SMAP2: variants seen among roughly 807,000 people sequenced by gnomAD.
SMAP2 encodes the protein small ArfGAP2.
SMAP2 carries 25 observed loss-of-function variants against 56.4 expected under a neutral mutation model. That is an observed-to-expected ratio of 0.44 (90% CI 0.32 to 0.62). The LOEUF is 0.62. Ranked by LOEUF, SMAP2 falls within the 20% of genes least tolerant of loss-of-function variation. The pLI is 0.04. For missense variants in SMAP2, 388 were observed against 545.6 expected (o/e 0.71, Z 2.88); for synonymous variants, 157 against 181.7 (o/e 0.86, Z 1.09).
intron 1 of SMAP2, among the ~76,000 whole-genome samples, chr1:40,403,111 A>C (rs1262673497): frequency 2.0e-5 from 3 of 152,258 alleles, no homozygotes; most frequent in Non-Finnish European, 4.4e-5. Flanking sequence ...CATGTTGCCT[A>C]GAAGACTTTG....
intron 1 of SMAP2, among the ~76,000 whole-genome samples, chr1:40,357,114 G>T (rs1364862283): frequency 1.3e-5 from 2 of 150,854 alleles, no homozygotes; most frequent in Non-Finnish European, 3.0e-5. Context: ...CATTCTGTGG[G>T]TTGTCTCTTC....
chr1:40,409,254 G>T (rs992381936), intron 3 of SMAP2, among the ~76,000 whole-genome samples: 1 of 152,098 alleles, frequency 6.6e-6, no homozygotes, highest in Non-Finnish European at 1.5e-5. Context: ...TTCTCAAAAT[G>T]TAGTTTGTAG....
At chr1:40,417,837 A>G (rs777492277) in intron 9 of SMAP2, among the ~76,000 whole-genome samples, 6 of 152,158 alleles carry the variant, frequency 3.9e-5, no homozygotes, top group Admixed American at 2.0e-4. Context: ...CCCTCTTCCA[A>G]AATAACCACT....
chr1:40,348,765 A>ATGTC (rs1553187476), intron 1 of SMAP2, among the ~76,000 whole-genome samples: 1 of 150,296 alleles, frequency 6.7e-6, no homozygotes, highest in Non-Finnish European at 1.5e-5. Context: ...ATAAAATACT[A>ATGTC]TTTCTTTCTT....
intron 1 of SMAP2, among the ~76,000 whole-genome samples, chr1:40,353,822 C>G (rs1302954043): frequency 1.3e-5 from 2 of 151,274 alleles, no homozygotes; most frequent in Non-Finnish European, 2.9e-5. Flanking sequence ...AACATCTGAC[C>G]TCAAGCAATC....
intron 2 of SMAP2, among the ~76,000 whole-genome samples, chr1:40,363,522 T>C (rs1486971680): frequency 1.3e-5 from 2 of 151,982 alleles, no homozygotes; most frequent in African/African-American, 4.8e-5. Flanking sequence ...AAATCTAATA[T>C]CTAGGAAGGC....
At chr1:40,391,718 A>G (rs1302272236) in intron 1 of SMAP2, among the ~76,000 whole-genome samples, 1 of 152,174 alleles carries the variant, frequency 6.6e-6, no homozygotes, top group Non-Finnish European at 1.5e-5. Flanking sequence ...CACCCTTTTT[A>G]GTAGCTTCTT....
At chr1:40,375,830 C>G (rs1037316195) in intron 1 of SMAP2, 50 of 776,252 alleles carry the variant, frequency 6.4e-5, no homozygotes, top group East Asian at 1.3e-4. Context: ...ACTAGAACCC[C>G]CCCCCCCATT....
At position 40,386,561 on chromosome 1, in the gene SMAP2, G is replaced by A. The variant is rs1644656992; in HGVS notation, c.103+12338G>A. On this transcript the variant is annotated intron_variant, in intron 1 of 9. Transcript: ENST00000372718. The surrounding 1 kb of genome is among the most constrained non-coding windows in gnomAD (Gnocchi z 4.1). Reference sequence around the variant, plus strand: ...CCTGACACAAGTGGCTCAGATCAAGGGTCCATATTACGGGCAGAGTAAAAA... The same window carrying A: ...CCTGACACAAGTGGCTCAGATCAAGAGTCCATATTACGGGCAGAGTAAAAA... 6.6e-6 allele frequency among the ~76,000 whole-genome samples: 1 copy of A among 152,096 alleles called. No homozygotes were observed. The highest frequency in any genetic ancestry group is 6.5e-5 in the Admixed American group (1 of 15,274).
rs759545887 is a variant in SMAP2 at position 40,406,739 on chromosome 1, C to T, written c.107C>T (p.Pro36Leu). The T allele has an allele frequency of 1.9e-6, 3 of 1,612,224 alleles. No individual in the cohort carries two copies. The highest frequency in any genetic ancestry group is 2.7e-5 in the African/African-American group (2 of 74,844). The change falls in exon 2 of 10, where the codon CCG (proline) becomes CTG (leucine). Residue 36 changes from proline (P) to leucine (L), a missense_variant. Coordinates refer to ENST00000372718, the MANE Select transcript of SMAP2 (RefSeq NM_022733.3). Reference sequence around the variant, plus strand: ...GCCCTGTTCCTGACTTTCACAGGGCCGCGATGGGCCTCTTGGAACATTGGT... The same window carrying T: ...GCCCTGTTCCTGACTTTCACAGGGCTGCGATGGGCCTCTTGGAACATTGGT... ...KFCADCQSKG[P>L]RWASWNIGVF... is the part of the protein sequence containing the mutation.
intron 2 of SMAP2, 28 bp downstream of exon 2, chr1:40,406,897 C>T (rs1644890796): frequency 1.9e-6 from 3 of 1,595,392 alleles, no homozygotes; most frequent in Non-Finnish European, 2.6e-6. Flanking sequence ...GAGTCAGCTG[C>T]TTCCATATAT....
intron 1 of SMAP2, among the ~76,000 whole-genome samples, chr1:40,345,173 G>A (rs11207911): frequency 0.59 from 89,993 of 151,788 alleles, 27,011 homozygotes; most frequent in East Asian, 0.72. Context: ...GGAGGCCAAG[G>A]CGGGAGGATC....
At chr1:40,411,060 C>T (rs1047100430) in intron 4 of SMAP2, among the ~76,000 whole-genome samples, 1 of 152,156 alleles carries the variant, frequency 6.6e-6, no homozygotes, top group Admixed American at 6.5e-5. Context: ...AATTGGAATC[C>T]ACTTCAGGCT....
At chr1:40,404,541 G>A (rs533790011) in intron 1 of SMAP2, among the ~76,000 whole-genome samples, 1 of 152,286 alleles carries the variant, frequency 6.6e-6, no homozygotes, top group South Asian at 2.1e-4. Context: ...CCCATCTTAA[G>A]GCCAGGAAGC....
Position 40,374,512 on chromosome 1 carries a change from G to A in SMAP2, c.103+289G>A, listed in dbSNP as rs920471592. On this transcript the variant is annotated intron_variant, in intron 1 of 9. Coordinates refer to ENST00000372718, the MANE Select transcript of SMAP2 (RefSeq NM_022733.3). The surrounding 1 kb of genome is among the most constrained non-coding windows in gnomAD (Gnocchi z 5.9). ...GTCTGTATTTGAGGGCTCTGAATGA[G>A]TTCTGGGCCGGCTGTCCAGAGAGAG... The A allele has an allele frequency of 4.6e-5, 37 of 804,134 alleles. No homozygotes were observed. Among genetic ancestry groups the A allele is most frequent in the Non-Finnish European group, 6.8e-5 (33 of 487,180 alleles). The allele number at this position is 804,134 out of a possible 1,614,324, so 49.8% of individuals were successfully genotyped here.
chr1:40,357,570 T>A (rs1258588356), intron 1 of SMAP2, among the ~76,000 whole-genome samples: 2 of 152,180 alleles, frequency 1.3e-5, no homozygotes, highest in Non-Finnish European at 2.9e-5. Flanking sequence ...AAGTCTTAGA[T>A]TTAAGTCTTA....
chr1:40,391,689 C>T (rs939802946), intron 1 of SMAP2, among the ~76,000 whole-genome samples: 1 of 152,192 alleles, frequency 6.6e-6, no homozygotes, highest in Non-Finnish European at 1.5e-5. Context: ...AGAGCAATCT[C>T]ATTGGACAAT....
intron 1 of SMAP2, among the ~76,000 whole-genome samples, chr1:40,383,345 C>G (rs1468385249): frequency 3.9e-5 from 6 of 152,152 alleles, no homozygotes; most frequent in Admixed American, 2.6e-4. Context: ...CTCCTCAGTG[C>G]CTCCCATTGA....
chr1:40,398,730 C>G (rs930914183), intron 1 of SMAP2, among the ~76,000 whole-genome samples: 8 of 152,046 alleles, frequency 5.3e-5, no homozygotes, highest in Non-Finnish European at 7.4e-5. Context: ...CCTCAAACTC[C>G]TGGGCTCAAG....
Sources: allele counts gnomAD v4.1 joint callset (sites outside exome capture counted in the v4.1 genomes callset), GRCh38; gene constraint gnomAD v4.1.1; non-coding constraint Gnocchi (gnomAD v3.1); transcripts MANE v1.5; gene names NCBI Gene and HGNC (gene_info 2026-07-23, HGNC 2026-07-21).